MYO3B: variants seen among roughly 807,000 people sequenced by gnomAD.
The protein encoded by MYO3B is myosin IIIB.
MYO3B carries 156 observed loss-of-function variants against 174.6 expected under a neutral mutation model. That is an observed-to-expected ratio of 0.89 (90% CI 0.78 to 1.02). MYO3B has a LOEUF of 1.02. Ranked by LOEUF, MYO3B falls within the 50% of genes least tolerant of loss-of-function variation. The probability of loss-of-function intolerance (pLI) is 0.00; values close to 1 mark genes in which losing one functional copy is unlikely to be tolerated. For synonymous variants in MYO3B, 563 were observed against 569.1 expected (o/e 0.99, Z 0.15); for missense variants, 1,632 against 1,639.4 (o/e 1.00, Z 0.08).
At chr2:170,572,631 G>A (rs1692516356) in intron 32 of MYO3B, among the ~76,000 whole-genome samples, 1 of 150,060 alleles carries the variant, frequency 6.7e-6, no homozygotes. Context: ...AAAAGGTAAG[G>A]ACCTCCTCCT....
chr2:170,485,120 G>A (rs1281331600), intron 25 of MYO3B, among the ~76,000 whole-genome samples: 1 of 152,048 alleles, frequency 6.6e-6, no homozygotes, highest in Non-Finnish European at 1.5e-5. Context: ...TTTCTACTTA[G>A]ATGCAAGTAA....
In MYO3B at chr2:170,466,637, A is replaced by G. The variant is rs2105968826; in HGVS notation, c.2940A>G (p.Thr980=). ...GGGTGCTGGCCCAGCTCCGCTCCAC[A>G]GGGATTCTGGAGACAGTCAGCATCC... ...RERVLAQLRS[T]GILETVSIRR... Residue 980 remains threonine, a synonymous_variant, in exon 25 of 35, where the codon ACA becomes ACG. Transcript: ENST00000408978. The G allele has an allele frequency of 1.9e-6, 3 of 1,614,210 alleles. No individual in the cohort carries two copies. The highest frequency in any genetic ancestry group is 2.2e-5 in the South Asian group (2 of 91,082).
intron 32 of MYO3B, among the ~76,000 whole-genome samples, chr2:170,630,075 A>G (rs1311000107): frequency 6.6e-6 from 1 of 152,220 alleles, no homozygotes; most frequent in Non-Finnish European, 1.5e-5. Context: ...GGTGCAGCCC[A>G]TGGAGGGCGA....
intron 32 of MYO3B, among the ~76,000 whole-genome samples, chr2:170,633,804 C>G (rs1453553012): frequency 3.9e-5 from 6 of 152,222 alleles, no homozygotes; most frequent in Admixed American, 2.0e-4. Context: ...AAATCACAGG[C>G]ATTCTTATAC....
intron 32 of MYO3B, chr2:170,601,616 A>T (rs1301993454): frequency 7.4e-6 from 9 of 1,216,868 alleles, no homozygotes; most frequent in Non-Finnish European, 1.1e-5. Flanking sequence ...CAACTTATTC[A>T]TCATCATCTT....
At chr2:170,564,847 A>G (rs1409664090) in intron 32 of MYO3B, among the ~76,000 whole-genome samples, 1 of 152,184 alleles carries the variant, frequency 6.6e-6, no homozygotes, top group Non-Finnish European at 1.5e-5. Context: ...TTTTATTATC[A>G]TAATAACCTA....
chr2:170,313,344 A>G (rs16858142), intron 7 of MYO3B, among the ~76,000 whole-genome samples: 43,794 of 152,136 alleles, frequency 0.29, 6,693 homozygotes, highest in South Asian at 0.39. Flanking sequence ...CATAGTGCTC[A>G]GTAAGTACAT....
chr2:170,369,071 G>T, intron 8 of MYO3B, 151 bp from the exon 9 acceptor site: 2 of 539,206 alleles, frequency 3.7e-6, no homozygotes, highest in Non-Finnish European at 6.2e-6. Context: ...TCTGTTTTCT[G>T]GTACATATTA....
At chr2:170,623,636 G>C (rs547908783) in intron 32 of MYO3B, among the ~76,000 whole-genome samples, 61 of 152,298 alleles carry the variant, frequency 4.0e-4, no homozygotes, top group African/African-American at 1.4e-3. Flanking sequence ...TTTTAGACAT[G>C]AAGTCTTTGC....
In MYO3B at chr2:170,543,926, G is replaced by T; in HGVS notation, c.3671G>T (p.Arg1224Leu). 6.2e-7 allele frequency: 1 copy of T among 1,613,018 alleles called. No homozygotes were observed. Among genetic ancestry groups the T allele is most frequent in the Non-Finnish European group, 8.5e-7 (1 of 1,179,266 alleles). Residue 1224 changes from arginine (R) to leucine (L), a missense_variant, in exon 32 of 35, where the codon CGG becomes CTG. By Grantham distance (102) the Arg-to-Leu change is moderately radical (BLOSUM62 -2). Transcript: ENST00000408978. ...SVSGTDLLSS[R>L]ICHPAPDQQG... ...TCTGGGACTGATTTGCTGTCTTCTC[G>T]GATATGCCATCCTGCTCCAGATCAG...
intron 7 of MYO3B, among the ~76,000 whole-genome samples, chr2:170,308,713 G>T (rs933655217): frequency 3.3e-5 from 5 of 151,928 alleles, no homozygotes; most frequent in African/African-American, 1.2e-4. Flanking sequence ...CTGTATTATA[G>T]TTACTCATTC....
chr2:170,613,521 A>G (rs1445833528), intron 32 of MYO3B, among the ~76,000 whole-genome samples: 1 of 152,192 alleles, frequency 6.6e-6, no homozygotes, highest in Non-Finnish European at 1.5e-5. Context: ...CATCATCTCT[A>G]GTCCTAGCTG....
intron 7 of MYO3B, among the ~76,000 whole-genome samples, chr2:170,278,868 C>T (rs1311150962): frequency 6.6e-6 from 1 of 152,114 alleles, no homozygotes; most frequent in East Asian, 1.9e-4. Flanking sequence ...GGAATGAGTA[C>T]ATGCGATATT....
intron 8 of MYO3B, chr2:170,338,228 A>T (rs945608434): frequency 2.6e-5 from 4 of 152,230 alleles, no homozygotes; most frequent in Non-Finnish European, 5.9e-5. Context: ...GGAGCAAAGC[A>T]AAAAGCATCC....
At chr2:170,561,326 C>A (rs1559117039) in intron 32 of MYO3B, among the ~76,000 whole-genome samples, 1 of 152,228 alleles carries the variant, frequency 6.6e-6, no homozygotes, top group African/African-American at 2.4e-5. Flanking sequence ...GAGGATTGAA[C>A]ATATACTGCA....
At chr2:170,575,232 G>A (rs568608729) in intron 32 of MYO3B, among the ~76,000 whole-genome samples, 1 of 152,220 alleles carries the variant, frequency 6.6e-6, no homozygotes, top group South Asian at 2.1e-4. Flanking sequence ...GCAAGTGTTT[G>A]TATTTAAATG....
chr2:170,485,958 A>T (rs1181206046), intron 25 of MYO3B, among the ~76,000 whole-genome samples: 1 of 152,142 alleles, frequency 6.6e-6, no homozygotes, highest in Non-Finnish European at 1.5e-5. Flanking sequence ...TAAAATGCAG[A>T]TTGGTGGGCC....
rs192131298 is a variant in MYO3B at position 170,627,794 on chromosome 2, T to C, written c.3734-23834T>C. Among the ~76,000 whole-genome samples the C allele has an allele frequency of 1.6e-3, 245 of 152,348 alleles. 4 individuals are homozygous for C. Among genetic ancestry groups the C allele is most frequent in the African/African-American group, 5.6e-3 (234 of 41,586 alleles). On this transcript the variant is annotated intron_variant, in intron 32 of 34. Coordinates refer to ENST00000408978, the MANE Select transcript of MYO3B (RefSeq NM_138995.5). ...GTCAGGACCTTCAGCTGCAGGTCTG[T>C]TGGAGTTTGTTGGAGGTCCACTCCA...
At chr2:170,636,276 G>A (rs1017383614) in intron 32 of MYO3B, among the ~76,000 whole-genome samples, 2 of 152,100 alleles carry the variant, frequency 1.3e-5, no homozygotes, top group African/African-American at 4.8e-5. Flanking sequence ...AAATGTGACT[G>A]CCTGGCCCTA....
Sources: gnomAD v4.1 joint callset for allele counts (sites outside exome capture counted in the v4.1 genomes callset) on GRCh38, gnomAD v4.1.1 for gene constraint, MANE v1.5 for transcripts, NCBI Gene and HGNC (gene_info 2026-07-23, HGNC 2026-07-21) for gene names.